SEMA6D: variants seen among roughly 807,000 people sequenced by gnomAD.
The protein encoded by SEMA6D is semaphorin 6D.
A neutral mutation model predicts 106.6 loss-of-function variants in SEMA6D; 35 were observed. The ratio of observed to expected loss-of-function variants is 0.33; its 90% confidence interval spans 0.25 to 0.44. SEMA6D has a LOEUF of 0.44. SEMA6D is among the 20% of genes least tolerant of loss of function. The pLI is 1.00. For synonymous variants in SEMA6D, 499 were observed against 487.7 expected, an observed-to-expected ratio of 1.02 and a Z score of -0.31; for missense variants, 1,185 against 1,345.9, an observed-to-expected ratio of 0.88 and a Z score of 1.87.
intron 2 of SEMA6D, among the ~76,000 whole-genome samples, chr15:47,425,050 A>G (rs1236105036): frequency 6.6e-6 from 1 of 152,096 alleles, no homozygotes; most frequent in Non-Finnish European, 1.5e-5. Flanking sequence ...GTGAGGGGTG[A>G]AACTGCACTG....
intron 1 of SEMA6D, among the ~76,000 whole-genome samples, chr15:47,338,388 A>G (rs2144371942): frequency 6.6e-6 from 1 of 152,240 alleles, no homozygotes; most frequent in Non-Finnish European, 1.5e-5. Flanking sequence ...TGCTGCCAAG[A>G]TTGAAGGGGA....
intron 3 of SEMA6D, among the ~76,000 whole-genome samples, chr15:47,569,241 A>T (rs1408721548): frequency 6.6e-6 from 1 of 152,092 alleles, no homozygotes; most frequent in Non-Finnish European, 1.5e-5. Flanking sequence ...ATTAAATGTG[A>T]TTCTGATTCT....
At chr15:47,446,714 G>C (rs541117819) in intron 2 of SEMA6D, among the ~76,000 whole-genome samples, 1 of 152,178 alleles carries the variant, frequency 6.6e-6, no homozygotes, top group South Asian at 2.1e-4. Flanking sequence ...CCTTCCGAAA[G>C]GGAAAGAAAC....
At chr15:47,407,726 G>A (rs1475955528) in intron 1 of SEMA6D, among the ~76,000 whole-genome samples, 2 of 152,206 alleles carry the variant, frequency 1.3e-5, no homozygotes, top group Non-Finnish European at 2.9e-5. Flanking sequence ...ACAAAGTGCA[G>A]ACCTGCAGTT....
chr15:47,518,055 A>G (rs1484062373), intron 3 of SEMA6D, among the ~76,000 whole-genome samples: 1 of 152,198 alleles, frequency 6.6e-6, no homozygotes, highest in Non-Finnish European at 1.5e-5. Context: ...TGAACTTCTT[A>G]GAACTCATTA....
chr15:47,611,695 G>C (rs779923905), intron 4 of SEMA6D, among the ~76,000 whole-genome samples: 3 of 152,140 alleles, frequency 2.0e-5, no homozygotes, highest in African/African-American at 4.8e-5. Flanking sequence ...AAGACGTAAA[G>C]GATTAGTGCA....
chr15:47,609,127 A>G (rs780500019), intron 4 of SEMA6D, among the ~76,000 whole-genome samples: 137 of 152,342 alleles, frequency 9.0e-4, no homozygotes, highest in Middle Eastern at 6.8e-3. Flanking sequence ...TTAAGTGACC[A>G]TATTAGTTGT....
chr15:47,694,406 C>A (rs889703894), intron 4 of SEMA6D, among the ~76,000 whole-genome samples: 16 of 152,038 alleles, frequency 1.1e-4, no homozygotes, highest in African/African-American at 3.9e-4. Flanking sequence ...TGTCTTTAAG[C>A]ACCCCAATTT....
chr15:47,539,440 T>A lies in SEMA6D; in HGVS notation c.-86-61425T>A, dbSNP rs568351465. Among the ~76,000 whole-genome samples, 5 of 152,206 alleles carry A rather than the reference T, an allele frequency of 3.3e-5. No individual in the cohort carries two copies. In the South Asian group the frequency reaches 1.0e-3, roughly 32 times the overall value. On this transcript the variant is annotated intron_variant, in intron 3 of 19. Transcript: ENST00000558014. ...TTTTGTTTGTTTGTTTGTTTTGTTTTGTTTTGAGACAGTCTTGCTCTGTCT... is the reference window on the plus strand; with the variant it reads ...TTTTGTTTGTTTGTTTGTTTTGTTTAGTTTTGAGACAGTCTTGCTCTGTCT...
At chr15:47,708,806 A>T (rs1347758651) in intron 4 of SEMA6D, among the ~76,000 whole-genome samples, 1 of 152,204 alleles carries the variant, frequency 6.6e-6, no homozygotes, top group East Asian at 1.9e-4. Context: ...TAAGCACCAG[A>T]CTTAGATTCA....
rs1354984731 is a variant in SEMA6D, at chr15:47,752,896, C to G, written c.-54-6849C>G. ...TGGTGGTGCACGCCTGTAATACCAG[C>G]TACTTTGGAGGCTGAGGCAGGAGAA... On this transcript the variant is annotated intron_variant, in intron 1 of 18. Coordinates refer to ENST00000536845, the MANE Select transcript of SEMA6D (RefSeq NM_001358351.3). Among the ~76,000 whole-genome samples, 4 of 151,740 alleles carry G rather than the reference C, an allele frequency of 2.6e-5. No individual in the cohort carries two copies. The East Asian group carries it at 8.3e-4, about 31-fold the overall frequency.
In SEMA6D at chr15:47,767,060, C is replaced by A. The variant is rs781605426; in HGVS notation, c.1732C>A (p.Pro578Thr). ...CHEILPTSTT[P>T]DYKIFGGPTS... Reference sequence around the variant, plus strand: ...AGAAATTTTGCCTACTTCAACTACACCAGATTACAAAATATTTGGCGGTCC... The same window carrying A: ...AGAAATTTTGCCTACTTCAACTACAACAGATTACAAAATATTTGGCGGTCC... The change falls in exon 17 of 19, where the codon CCA becomes ACA. Residue 578 changes from proline (P) to threonine (T), a missense_variant. Pro to Thr is a conservative substitution (Grantham distance 38). This residue lies in a region of SEMA6D where 750 missense variants were observed against 783.5 expected (regional missense o/e 0.96). Coordinates refer to ENST00000536845, the MANE Select transcript of SEMA6D (RefSeq NM_001358351.3). 1 of 1,570,338 alleles carries A rather than the reference C, an allele frequency of 6.4e-7. No homozygotes were observed. The highest frequency in any genetic ancestry group is 1.4e-5 in the African/African-American group (1 of 72,908).
At chr15:47,487,102 C>T (rs553821372) in intron 3 of SEMA6D, among the ~76,000 whole-genome samples, 4 of 152,244 alleles carry the variant, frequency 2.6e-5, no homozygotes, top group African/African-American at 9.6e-5. Flanking sequence ...ACAAGGAACA[C>T]ATTAATACAT....
chr15:47,756,335 CTT>C (rs1026850172), intron 1 of SEMA6D, among the ~76,000 whole-genome samples: 1 of 145,864 alleles, frequency 6.9e-6, no homozygotes, highest in African/African-American at 2.5e-5. Context: ...ATGAACATTG[CTT>C]TTTTTTTTTC....
chr15:47,719,692 A>G (rs1567018372), intron 1 of SEMA6D, among the ~76,000 whole-genome samples: 2 of 152,210 alleles, frequency 1.3e-5, no homozygotes, highest in South Asian at 4.1e-4. Flanking sequence ...TCCTTGTAGT[A>G]TAAAGAAATC....
chr15:47,546,320 A>G (rs545826868), intron 3 of SEMA6D, among the ~76,000 whole-genome samples: 4 of 152,222 alleles, frequency 2.6e-5, no homozygotes, highest in African/African-American at 7.2e-5. Flanking sequence ...TAAATTATCA[A>G]TGTTTCCCAA....
intron 4 of SEMA6D, among the ~76,000 whole-genome samples, chr15:47,631,905 T>C (rs2077299609): frequency 6.6e-6 from 1 of 152,052 alleles, no homozygotes; most frequent in African/African-American, 2.4e-5. Flanking sequence ...GCATTTCTAA[T>C]GTAAGCATTT....
At chr15:47,190,298 T>A (rs1262116896) in intron 1 of SEMA6D, among the ~76,000 whole-genome samples, 1 of 152,178 alleles carries the variant, frequency 6.6e-6, no homozygotes, top group Non-Finnish European at 1.5e-5. Flanking sequence ...TCCATTTCCA[T>A]CCAAAGCACG....
At position 47,186,016 on chromosome 15, in the gene SEMA6D, G is replaced by A. The variant is rs549329737; in HGVS notation, c.-239+1598G>A. The stretch of plus-strand genomic sequence containing the variant: ...TATATATGTACAAGTTTACAATATT[G>A]TCTACAAATATACAATATTTGTGTA... On this transcript the variant is annotated intron_variant, in intron 1 of 19. Transcript: ENST00000558014. Among the ~76,000 whole-genome samples, 10 of 151,914 alleles carry A rather than the reference G, an allele frequency of 6.6e-5. No homozygotes were observed. In the South Asian group the frequency reaches 8.3e-4, roughly 13 times the overall value.
Sources: gnomAD v4.1 joint callset for allele counts (sites outside exome capture counted in the v4.1 genomes callset) on GRCh38, gnomAD v4.1.1 for gene constraint, gnomAD v4.1.1 regional missense constraint, MANE v1.5 for transcripts, NCBI Gene and HGNC (gene_info 2026-07-23, HGNC 2026-07-21) for gene names.